ARHGAP18: variants seen among roughly 807,000 people sequenced by gnomAD.
ARHGAP18 encodes the protein Rho GTPase activating protein 18.
Under a neutral mutation model 86.2 loss-of-function variants are expected in ARHGAP18, and 67 were observed. The observed-to-expected ratio is 0.78, with a 90% confidence interval of 0.64 to 0.95. ARHGAP18 has a LOEUF of 0.95. Among genes scored for constraint, ARHGAP18 ranks in the 40% least tolerant of loss-of-function variants. The probability of loss-of-function intolerance (pLI) is 0.00; values close to 1 mark genes in which losing one functional copy is unlikely to be tolerated. For missense variants in ARHGAP18, 691 were observed against 780.4 expected, an observed-to-expected ratio of 0.89 and a Z score of 1.37; for synonymous variants, 283 against 280.4, an observed-to-expected ratio of 1.01 and a Z score of -0.09.
chr6:129,706,510 T>G (rs1160712088), intron 1 of ARHGAP18, among the ~76,000 whole-genome samples: 1 of 152,218 alleles, frequency 6.6e-6, no homozygotes, highest in East Asian at 1.9e-4. Context: ...GATAATGGAA[T>G]GGAGAAAATT....
chr6:129,667,464 T>A (rs1002970633), intron 1 of ARHGAP18, among the ~76,000 whole-genome samples: 4 of 122,666 alleles, frequency 3.3e-5, no homozygotes, highest in Admixed American at 8.4e-5. Context: ...AAAAGAAAAA[T>A]ATATATGTGT....
At chr6:129,608,082 A>T in intron 8 of ARHGAP18, 30 bp from the exon 9 acceptor site, 1 of 1,539,320 alleles carries the variant, frequency 6.5e-7, no homozygotes, top group Non-Finnish European at 8.7e-7. Flanking sequence ...AAAAAAAAAA[A>T]AAAAGAAGCA....
chr6:129,688,962 C>A (rs1264541526), intron 1 of ARHGAP18, among the ~76,000 whole-genome samples: 2 of 152,134 alleles, frequency 1.3e-5, no homozygotes, highest in African/African-American at 2.4e-5. Context: ...TTCTTCCTGT[C>A]TCCTTGAGAA....
chr6:129,581,991 G>A (rs1788299000), intron 13 of ARHGAP18, among the ~76,000 whole-genome samples: 1 of 151,990 alleles, frequency 6.6e-6, no homozygotes, highest in Non-Finnish European at 1.5e-5. Context: ...TTAAAGAGAT[G>A]ATAAAAACTA....
intron 3 of ARHGAP18, among the ~76,000 whole-genome samples, chr6:129,635,686 A>G (rs1303491333): frequency 6.6e-6 from 1 of 152,242 alleles, no homozygotes; most frequent in Admixed American, 6.5e-5. Flanking sequence ...AGCTGAATAT[A>G]CACTCACTCA....
At chr6:129,675,959 C>T (rs550039850) in intron 1 of ARHGAP18, among the ~76,000 whole-genome samples, 1 of 152,308 alleles carries the variant, frequency 6.6e-6, no homozygotes, top group Non-Finnish European at 1.5e-5. Flanking sequence ...CAATAAGGGG[C>T]CACTGGGTCA....
Position 129,576,429 on chromosome 6 carries a change from C to G in ARHGAP18, c.*2084G>C, listed in dbSNP as rs1424583111. 6.6e-6 allele frequency: 1 copy of G among 152,082 alleles called. No individual in the cohort carries two copies. The highest frequency in any genetic ancestry group is 2.4e-5 in the African/African-American group (1 of 41,392). The allele number at this position is 152,082 out of a possible 1,614,324, so 9.4% of individuals were successfully genotyped here. A position where few individuals can be genotyped will look rare whatever the true frequency, so the allele number is the denominator to read the frequency against. ...TTAGCCGCGAATGCACTGCTGTACT[C>G]CAATCTGGAAAACAGAGCAAGACCC... On this transcript the variant is annotated 3_prime_UTR_variant, in exon 15 of 15. Transcript: ENST00000368149.
chr6:129,612,392 T>C (rs943427803), intron 7 of ARHGAP18, among the ~76,000 whole-genome samples: 1 of 152,344 alleles, frequency 6.6e-6, no homozygotes. Context: ...TCAGTTTGAA[T>C]ATAAGGCATT....
chr6:129,673,353 C>CA (rs201938074), intron 1 of ARHGAP18, among the ~76,000 whole-genome samples: 4,729 of 81,474 alleles, frequency 0.058, 103 homozygotes, highest in African/African-American at 0.074. Context: ...ATAGTCATGC[C>CA]AAAAAAAAAA....
At chr6:129,674,942 CTTCATT>C (rs1380004470) in intron 1 of ARHGAP18, among the ~76,000 whole-genome samples, 2 of 152,136 alleles carry the variant, frequency 1.3e-5, no homozygotes, top group Non-Finnish European at 1.5e-5. Context: ...CGCCTCCATT[CTTCATT>C]TTAAAAATTT....
intron 1 of ARHGAP18, among the ~76,000 whole-genome samples, chr6:129,665,400 AT>A (rs1774018355): frequency 6.6e-6 from 1 of 152,114 alleles, no homozygotes; most frequent in Non-Finnish European, 1.5e-5. Flanking sequence ...ACAAAAAAAA[AT>A]TAGCCAGGTG....
intron 6 of ARHGAP18, among the ~76,000 whole-genome samples, chr6:129,617,116 CTTAAAT>C (rs1789114288): frequency 6.6e-6 from 1 of 152,130 alleles, no homozygotes. Flanking sequence ...ACTTGCTACT[CTTAAAT>C]TTAACTTTGT....
intron 1 of ARHGAP18, among the ~76,000 whole-genome samples, chr6:129,683,239 CT>C (rs1440609755): frequency 2.0e-5 from 3 of 150,940 alleles, no homozygotes; most frequent in Admixed American, 2.0e-4. Context: ...GCCCGGCTAA[CT>C]TTTTGTATTT....
intron 1 of ARHGAP18, among the ~76,000 whole-genome samples, chr6:129,676,191 G>A (rs1156452357): frequency 6.6e-6 from 1 of 152,184 alleles, no homozygotes; most frequent in Non-Finnish European, 1.5e-5. Context: ...TATGCAGTTG[G>A]TCAGTATTCC....
intron 1 of ARHGAP18, among the ~76,000 whole-genome samples, chr6:129,647,039 T>C (rs1284423217): frequency 6.6e-6 from 1 of 152,228 alleles, no homozygotes; most frequent in Non-Finnish European, 1.5e-5. Flanking sequence ...CTTATTTCTT[T>C]GTTTTTGTTT....
intron 8 of ARHGAP18, among the ~76,000 whole-genome samples, chr6:129,611,058 G>A (rs72982648): frequency 0.074 from 11,201 of 152,048 alleles, 436 homozygotes; most frequent in South Asian, 0.09. Flanking sequence ...CACAATGCCT[G>A]GCTAATTTTT....
At chr6:129,671,831 T>C (rs780660651) in intron 1 of ARHGAP18, among the ~76,000 whole-genome samples, 6 of 152,172 alleles carry the variant, frequency 3.9e-5, no homozygotes, top group Non-Finnish European at 8.8e-5. Context: ...GTTTGGCAAG[T>C]CTGTCCTGAA....
At chr6:129,700,071 A>G (rs1774686554) in intron 1 of ARHGAP18, among the ~76,000 whole-genome samples, 1 of 152,230 alleles carries the variant, frequency 6.6e-6, no homozygotes, top group Non-Finnish European at 1.5e-5. Flanking sequence ...TCTGCCACAG[A>G]TATACATTCA....
At chr6:129,590,785 A>G (rs1332251403) in intron 12 of ARHGAP18, among the ~76,000 whole-genome samples, 1 of 152,208 alleles carries the variant, frequency 6.6e-6, no homozygotes, top group Non-Finnish European at 1.5e-5. Flanking sequence ...CCTGTATTCT[A>G]CGGCAGGGAG....
Sources: gnomAD v4.1 joint callset for allele counts (sites outside exome capture counted in the v4.1 genomes callset) on GRCh38, gnomAD v4.1.1 for gene constraint, MANE v1.5 for transcripts, NCBI Gene and HGNC (gene_info 2026-07-23, HGNC 2026-07-21) for gene names.